The following SAMD13 variants were observed in gnomAD, a reference collection of about 807,000 sequenced individuals.
The protein encoded by SAMD13 is sterile alpha motif domain containing 13.
In SAMD13, 9 loss-of-function variants were observed where a neutral mutation model predicts 12.4. The ratio of observed to expected loss-of-function variants is 0.72; its 90% CI spans 0.44 to 1.26. The LOEUF is 1.26. SAMD13 is among the 50% of genes most tolerant of loss of function. The probability of loss-of-function intolerance (pLI) is 0.00; values close to 1 mark genes in which losing one functional copy is unlikely to be tolerated. For synonymous variants in SAMD13, 46 were observed against 45.4 expected (o/e 1.01, Z -0.05); for missense variants, 84 against 119.6 (o/e 0.70, Z 1.39).
In SAMD13 at chr1:84,338,872, C is replaced by A. The variant is rs114806605; in HGVS notation, c.166-10759C>A. 6.9e-3 allele frequency among the ~76,000 whole-genome samples: 1,044 copies of A among 152,282 alleles called. 12 individuals are homozygous for A. The highest frequency in any genetic ancestry group is 0.023 in the African/African-American group (964 of 41,554). On this transcript the variant is annotated intron_variant, in intron 3 of 3. Coordinates refer to ENST00000394834, the MANE Select transcript of SAMD13 (RefSeq NM_001134663.2). ...TCCCACAACATGTGGGAATTCAAGA[C>A]GAGATCTGGGTGGGATCACAGCCAA...
intron 2 of SAMD13, among the ~76,000 whole-genome samples, chr1:84,312,489 A>C (rs945404396): frequency 6.6e-6 from 1 of 152,032 alleles, no homozygotes; most frequent in South Asian, 2.1e-4. Context: ...ATTTCCAATT[A>C]CAATATACAA....
intron 2 of SAMD13, among the ~76,000 whole-genome samples, chr1:84,315,546 C>T (rs549969341): frequency 3.3e-5 from 5 of 152,300 alleles, no homozygotes; most frequent in African/African-American, 1.2e-4. Context: ...CCATTTCAGC[C>T]TCCCAAGTAG....
At chr1:84,333,727 T>G (rs1359877844) in intron 3 of SAMD13, among the ~76,000 whole-genome samples, 2 of 151,974 alleles carry the variant, frequency 1.3e-5, no homozygotes, top group African/African-American at 4.8e-5. Flanking sequence ...GGTATTTAAC[T>G]TTGATGCCTA....
At chr1:84,316,754 T>A (rs1678844227) in intron 2 of SAMD13, among the ~76,000 whole-genome samples, 1 of 152,090 alleles carries the variant, frequency 6.6e-6, no homozygotes, top group African/African-American at 2.4e-5. Flanking sequence ...TATAAAAATA[T>A]CATTAGGATT....
intron 3 of SAMD13, among the ~76,000 whole-genome samples, chr1:84,333,389 T>C (rs1325719705): frequency 6.6e-6 from 1 of 152,040 alleles, no homozygotes; most frequent in African/African-American, 2.4e-5. Context: ...TTTCTTTCAG[T>C]AGTGTTTTGT....
chr1:84,341,378 A>G (rs1253998053), intron 3 of SAMD13, among the ~76,000 whole-genome samples: 1 of 152,170 alleles, frequency 6.6e-6, no homozygotes, highest in African/African-American at 2.4e-5. Context: ...ACCAAGGGGA[A>G]TGGGAGAGGG....
intron 2 of SAMD13, among the ~76,000 whole-genome samples, chr1:84,322,532 T>C (rs2101802456): frequency 1.3e-5 from 2 of 152,324 alleles, no homozygotes; most frequent in East Asian, 3.9e-4. Context: ...CTTTGCTGTG[T>C]ATCAACTGTG....
At chr1:84,348,800 G>C (rs1679587973) in intron 3 of SAMD13, among the ~76,000 whole-genome samples, 1 of 152,140 alleles carries the variant, frequency 6.6e-6, no homozygotes, top group African/African-American at 2.4e-5. Flanking sequence ...GCAGAACAGG[G>C]AAGGGATTTT....
At chr1:84,308,779 T>C (rs1337254066) in intron 2 of SAMD13, among the ~76,000 whole-genome samples, 1 of 152,118 alleles carries the variant, frequency 6.6e-6, no homozygotes, top group Non-Finnish European at 1.5e-5. Context: ...TCTGTAAATC[T>C]GAAAATTTTT....
upstream of SAMD13, among the ~76,000 whole-genome samples, chr1:84,301,382 A>G (rs1437917582): frequency 7.9e-5 from 12 of 152,364 alleles, no homozygotes; most frequent in Middle Eastern, 3.4e-3. Context: ...GAAACATGAC[A>G]TTCATGCTCA....
In SAMD13 at chr1:84,349,527, T is replaced by C. The variant is rs1251625938; in HGVS notation, c.166-104T>C. On this transcript the variant is annotated intron_variant, in intron 3 of 3. Transcript: ENST00000394834. ...CTACTACAAATGTAATGTTTTTAGC[T>C]TGGGCACAAGTGGTGTGACTTTTAC... The C allele has an allele frequency of 4.0e-6, 6 of 1,498,890 alleles. No homozygotes were observed. The Admixed American group carries it at 1.4e-4, about 34-fold the overall frequency. The allele number at this position is 1,498,890 out of a possible 1,614,324, so 92.8% of individuals were successfully genotyped here. A position where few individuals can be genotyped will look rare whatever the true frequency, so the allele number is the denominator to read the frequency against.
chr1:84,348,362 G>A (rs974002264), intron 3 of SAMD13, among the ~76,000 whole-genome samples: 1 of 152,144 alleles, frequency 6.6e-6, no homozygotes, highest in African/African-American at 2.4e-5. Context: ...TGGAGGAGCC[G>A]CCCTGGGGAT....
chr1:84,343,151 G>T (rs1160387388), intron 3 of SAMD13, among the ~76,000 whole-genome samples: 3 of 152,188 alleles, frequency 2.0e-5, no homozygotes, highest in Non-Finnish European at 2.9e-5. Context: ...AAACCACAAT[G>T]AGATACCATC....
Position 84,301,732 on chromosome 1 carries a change from G to T in SAMD13, c.-102G>T, listed in dbSNP as rs768113030. 216 of 985,232 alleles carry T rather than the reference G, an allele frequency of 2.2e-4. No individual in the cohort carries two copies. The highest frequency in any genetic ancestry group is 6.8e-4 in the Admixed American group (11 of 16,260). 61.0% of individuals were successfully genotyped at this position (985,232 alleles called of 1,614,324 possible). On this transcript the variant is annotated 5_prime_UTR_variant, in exon 1 of 4. Transcript: ENST00000394834. ...TCCTTTGCCAGCCTACTTTGTGAAA[G>T]AAAACATTGGGGTTTCTTTGGCTGT...
At chr1:84,312,659 C>T (rs1286810501) in intron 2 of SAMD13, among the ~76,000 whole-genome samples, 1 of 152,038 alleles carries the variant, frequency 6.6e-6, no homozygotes, top group African/African-American at 2.4e-5. Flanking sequence ...GCCATGAGAA[C>T]TTCAACAATA....
chr1:84,349,399 T>C (rs187998223), intron 3 of SAMD13, among the ~76,000 whole-genome samples: 12 of 152,362 alleles, frequency 7.9e-5, no homozygotes, highest in African/African-American at 2.6e-4. Flanking sequence ...ATGTTTGTGA[T>C]AGGATCTTGA....
At chr1:84,339,663 A>G (rs1261463470) in intron 3 of SAMD13, among the ~76,000 whole-genome samples, 1 of 152,176 alleles carries the variant, frequency 6.6e-6, no homozygotes, top group East Asian at 1.9e-4. Context: ...TTGCTCATGC[A>G]TGCCAGCAGC....
chr1:84,318,941 T>G (rs905438744), intron 2 of SAMD13, among the ~76,000 whole-genome samples: 2 of 152,220 alleles, frequency 1.3e-5, no homozygotes, highest in Admixed American at 6.5e-5. Context: ...TGTATAAAAC[T>G]ATACAGTCAG....
At chr1:84,304,804 ATAAT>A (rs1247302236) in intron 2 of SAMD13, among the ~76,000 whole-genome samples, 1 of 152,150 alleles carries the variant, frequency 6.6e-6, no homozygotes, top group Non-Finnish European at 1.5e-5. Context: ...GTCACTCAGC[ATAAT>A]TAATTTGGGA....
Sources: gnomAD v4.1 joint callset for allele counts (sites outside exome capture counted in the v4.1 genomes callset) on GRCh38, gnomAD v4.1.1 for gene constraint, MANE v1.5 for transcripts, NCBI Gene and HGNC (gene_info 2026-07-23, HGNC 2026-07-21) for gene names.